The following HAUS3 variants were observed in gnomAD, a reference collection of about 807,000 sequenced individuals.
HAUS3 encodes HAUS augmin like complex subunit 3, also known as HAUS augmin-like complex subunit 3.
A neutral mutation model predicts 55.2 loss-of-function variants in HAUS3; 36 were observed. The observed-to-expected ratio is 0.65, with a 90% CI of 0.50 to 0.86. HAUS3 has a LOEUF of 0.86. HAUS3 is among the 40% of genes least tolerant of loss of function. The pLI, the probability that HAUS3 is intolerant of heterozygous loss-of-function variation, is 0.00. For synonymous variants in HAUS3, 234 were observed against 238.6 expected (o/e 0.98, Z 0.18); for missense variants, 752 against 671.5 (o/e 1.12, Z -1.33).
rs759453196 is a variant in HAUS3, at chr4:2,240,391, C to T, written c.556G>A (p.Gly186Ser). 4 of 1,610,910 alleles carry T rather than the reference C, an allele frequency of 2.5e-6. No individual in the cohort carries two copies. In the African/African-American group the frequency reaches 5.3e-5, roughly 22 times the overall value. The change falls in exon 3 of 6, where the codon GGT becomes AGT. Residue 186 changes from glycine (G) to serine (S), a missense_variant. By Grantham distance (56) the Gly-to-Ser change is moderately conservative. Coordinates refer to ENST00000443786, the MANE Select transcript of HAUS3 (RefSeq NM_001303143.2). ...AATACCAGTGGATTTGTCCCTTGAC[C>T]TAAATTAGAATGTCTGAAGAACATC... ...LMMFFRHSNLGQGTNPLVFLS... is the reference protein window; with the variant it reads ...LMMFFRHSNLSQGTNPLVFLS...
At position 2,228,883 on chromosome 4, in the gene HAUS3, C is replaced by T. The variant is rs892577813; in HGVS notation, c.*3044G>A. The T allele has an allele frequency of 2.5e-6, 1 of 403,524 alleles. No homozygotes were observed. The highest frequency in any genetic ancestry group is 4.4e-6 in the Non-Finnish European group (1 of 227,826). The allele number at this position is 403,524 out of a possible 1,614,324, so 25.0% of individuals were successfully genotyped here. Reference sequence around the variant, plus strand: ...TCTAAGGGAATGTTTGACAGAAATACCTGGAATAAGGAAGAGAGTGTTACA... The same window carrying T: ...TCTAAGGGAATGTTTGACAGAAATATCTGGAATAAGGAAGAGAGTGTTACA... On this transcript the variant is annotated 3_prime_UTR_variant, in exon 6 of 6. Transcript: ENST00000443786.
At chr4:2,237,004 AAC>A (rs147203664) in intron 4 of HAUS3, among the ~76,000 whole-genome samples, 1,884 of 152,094 alleles carry the variant, frequency 0.012, 12 homozygotes, top group Non-Finnish European at 0.021. Context: ...ACATTAGATA[AAC>A]AGTCTATTAC....
chr4:2,242,094 G>C lies in HAUS3; in HGVS notation c.-462C>G, dbSNP rs1226916532. 1.0e-5 allele frequency: 10 copies of C among 985,746 alleles called. No individual in the cohort carries two copies. Among genetic ancestry groups the C allele is most frequent in the African/African-American group, 3.5e-5 (2 of 57,254 alleles). The allele number at this position is 985,746 out of a possible 1,614,324, so 61.1% of individuals were successfully genotyped here. A position where few individuals can be genotyped will look rare whatever the true frequency, so the allele number is the denominator to read the frequency against. On this transcript the variant is annotated 5_prime_UTR_variant, in exon 1 of 6. Transcript: ENST00000443786. Reference sequence around the variant, plus strand: ...CTTCTCGCAGGAGCCCGCCGCCACCGCCCTCCGTGCCCCGCGCGCCTCGCA... The same window carrying C: ...CTTCTCGCAGGAGCCCGCCGCCACCCCCCTCCGTGCCCCGCGCGCCTCGCA...
At chr4:2,233,885 C>T (rs1553803625) in intron 5 of HAUS3, among the ~76,000 whole-genome samples, 1 of 151,816 alleles carries the variant, frequency 6.6e-6, no homozygotes, top group Non-Finnish European at 1.5e-5. Context: ...GCATTATAAA[C>T]TCCTTTAAAA....
chr4:2,238,931 C>T lies in HAUS3; in HGVS notation c.1022G>A (p.Arg341Lys), dbSNP rs1379661723. The change falls in exon 4 of 6, where the codon AGA becomes AAA. Residue 341 changes from arginine (R) to lysine (K), a missense_variant. Arg to Lys is a conservative substitution (Grantham distance 26). Coordinates refer to ENST00000443786, the MANE Select transcript of HAUS3 (RefSeq NM_001303143.2). ...IKDRSLPAVV[R>K]ENAQLLNMPV... ...CATATTCAATAACTGGGCATTCTCTCTTACCACAGCAGGTAAACTTCTGTC... is the reference window on the plus strand; with the variant it reads ...CATATTCAATAACTGGGCATTCTCTTTTACCACAGCAGGTAAACTTCTGTC... 1 of 1,609,992 alleles carries T rather than the reference C, an allele frequency of 6.2e-7. No individual in the cohort carries two copies.
In HAUS3 at chr4:2,238,629, C is replaced by A; in HGVS notation, c.1324G>T (p.Asp442Tyr). ...SQQINPRNTI[D>Y]TKDYSTHRLY... is the part of the protein sequence containing the mutation. ...CTATGAGTAGAATAATCCTTAGTAT[C>A]AATGGTATTCCTTGGATTTATCTGT... The change falls in exon 4 of 6, where the codon GAT (aspartate) becomes TAT (tyrosine). Residue 442 changes from aspartate (D) to tyrosine (Y), a missense_variant. Asp to Tyr is a radical substitution (Grantham distance 160, BLOSUM62 -3). Transcript: ENST00000443786. 6.2e-7 allele frequency: 1 copy of A among 1,604,468 alleles called. No homozygotes were observed. The highest frequency in any genetic ancestry group is 2.2e-5 in the East Asian group (1 of 44,742).
intron 4 of HAUS3, among the ~76,000 whole-genome samples, chr4:2,237,470 AAGAGAGAAAG>A (rs912863882): frequency 2.0e-4 from 31 of 151,752 alleles, no homozygotes; most frequent in African/African-American, 7.3e-4. Context: ...GAAGGGAAAG[AAGAGAGAAAG>A]AGAGAGAAAG....
chr4:2,232,060 A>G lies in HAUS3; in HGVS notation c.1679T>C (p.Leu560Ser), dbSNP rs1734600108. 1.3e-6 allele frequency: 2 copies of G among 1,587,586 alleles called. No individual in the cohort carries two copies. Among genetic ancestry groups the G allele is most frequent in the Admixed American group, 3.4e-5 (2 of 58,656 alleles). Residue 560 changes from leucine (L) to serine (S), a missense_variant, in exon 6 of 6, where the codon TTG becomes TCG. Leu to Ser is a moderately radical substitution (Grantham distance 145, BLOSUM62 -2). Transcript: ENST00000443786. Reference protein sequence around the residue: ...LADVKTKRKTLANNKLHQMER... With the variant: ...LADVKTKRKTSANNKLHQMER... ...CATTTGATGTAATTTATTATTTGCCAAAGTTTTTCTTTTTGTCTTCACATC... is the reference window on the plus strand; with the variant it reads ...CATTTGATGTAATTTATTATTTGCCGAAGTTTTTCTTTTTGTCTTCACATC...
chr4:2,237,959 C>A (rs1734825726), intron 4 of HAUS3, among the ~76,000 whole-genome samples: 1 of 151,998 alleles, frequency 6.6e-6, no homozygotes, highest in Admixed American at 6.5e-5. Flanking sequence ...CAGTGGTACC[C>A]CCTGAAATTG....
At chr4:2,241,250 T>C (rs866959903) in intron 2 of HAUS3, among the ~76,000 whole-genome samples, 157 bp from the exon 3 acceptor site, 1 of 152,178 alleles carries the variant, frequency 6.6e-6, no homozygotes. Flanking sequence ...CAGAAACAAT[T>C]AGGCTAGTTC....
chr4:2,229,165 T>TCTGAG lies in HAUS3; in HGVS notation c.*2757_*2761dup, dbSNP rs1560101347. The TCTGAG allele has an allele frequency of 6.2e-7, 1 of 1,610,812 alleles. No homozygotes were observed. Among genetic ancestry groups the TCTGAG allele is most frequent in the East Asian group, 2.2e-5 (1 of 44,848 alleles). On this transcript the variant is annotated 3_prime_UTR_variant, in exon 6 of 6. Coordinates refer to ENST00000443786, the MANE Select transcript of HAUS3 (RefSeq NM_001303143.2). ...CCTGAATGCATAGCAGACATAATCT[T>TCTGAG]CTGAGCAACACTGGAGAGCGGTGTA... is the stretch of plus-strand genomic sequence containing the variant.
chr4:2,233,251 T>C (rs1734646866), intron 5 of HAUS3, among the ~76,000 whole-genome samples: 1 of 152,184 alleles, frequency 6.6e-6, no homozygotes, highest in Non-Finnish European at 1.5e-5. Context: ...TTCAATTAAA[T>C]ACTAAAGATC....
At position 2,231,423 on chromosome 4, in the gene HAUS3, C is replaced by T. The variant is rs947052999; in HGVS notation, c.*504G>A. 6.5e-6 allele frequency: 1 copy of T among 152,768 alleles called. No individual in the cohort carries two copies. The highest frequency in any genetic ancestry group is 1.5e-5 in the Non-Finnish European group (1 of 68,542). 9.5% of individuals were successfully genotyped at this position (152,768 alleles called of 1,614,324 possible). A position where few individuals can be genotyped will look rare whatever the true frequency, so the allele number is the denominator to read the frequency against. ...GACCATCCTGGCCAACATGGTGAAA[C>T]CCCTTTTCTACTAAAATACAAAAAA... is the stretch of plus-strand genomic sequence containing the variant. On this transcript the variant is annotated 3_prime_UTR_variant, in exon 6 of 6. Coordinates refer to ENST00000443786, the MANE Select transcript of HAUS3 (RefSeq NM_001303143.2).
At chr4:2,241,869 A>G in intron 1 of HAUS3, 79 bp from the exon 2 acceptor site, 1 of 985,456 alleles carries the variant, frequency 1.0e-6, no homozygotes. Flanking sequence ...GGCCCCGCAC[A>G]GCCCCCGCCC....
intron 5 of HAUS3, among the ~76,000 whole-genome samples, chr4:2,233,263 T>C (rs1734647696): frequency 6.6e-6 from 1 of 152,206 alleles, no homozygotes; most frequent in South Asian, 2.1e-4. Flanking sequence ...CTAAAGATCA[T>C]ACAGTTGCTA....
chr4:2,241,359 C>G (rs545818081), intron 2 of HAUS3, among the ~76,000 whole-genome samples, 161 bp downstream of exon 2: 112 of 152,192 alleles, frequency 7.4e-4, no homozygotes, highest in Non-Finnish European at 1.3e-3. Context: ...GTTTAAAATG[C>G]ATTACACTTT....
In HAUS3 at chr4:2,232,100, T is replaced by G. The variant is rs1425063013; in HGVS notation, c.1639A>C (p.Thr547Pro). 6.2e-7 allele frequency: 1 copy of G among 1,602,740 alleles called. No homozygotes were observed. Among genetic ancestry groups the G allele is most frequent in the African/African-American group, 1.3e-5 (1 of 74,502 alleles). ...SQLNKLNHLL[T>P]DILADVKTKR... ...GTCTTCACATCAGCAAGAATATCAG[T>G]GAGGAGATGATTTAGCTTATTCAGT... The change falls in exon 6 of 6, where the codon ACT becomes CCT. Residue 547 changes from threonine (T) to proline (P), a missense_variant. Thr to Pro is a conservative substitution (Grantham distance 38). Coordinates refer to ENST00000443786, the MANE Select transcript of HAUS3 (RefSeq NM_001303143.2).
chr4:2,235,394 G>A (rs1448090488), intron 5 of HAUS3, among the ~76,000 whole-genome samples: 1 of 152,224 alleles, frequency 6.6e-6, no homozygotes, highest in East Asian at 1.9e-4. Context: ...TGGCAAAGAT[G>A]TGGAGAAACT....
At position 2,228,995 on chromosome 4, in the gene HAUS3, C is replaced by T; in HGVS notation, c.*2932G>A. On this transcript the variant is annotated 3_prime_UTR_variant, in exon 6 of 6. Transcript: ENST00000443786. ...TGAATGAGTGTAAAAGGGGCGGGAG[C>T]TGGGCTTCATCTGTCTACATGCATT... The T allele has an allele frequency of 8.6e-7, 1 of 1,159,182 alleles. No homozygotes were observed. The highest frequency in any genetic ancestry group is 2.5e-5 in the Admixed American group (1 of 39,710). 71.8% of individuals were successfully genotyped at this position (1,159,182 alleles called of 1,614,324 possible). A position where few individuals can be genotyped will look rare whatever the true frequency, so the allele number is the denominator to read the frequency against.
Sources: gnomAD v4.1 joint callset for allele counts (sites outside exome capture counted in the v4.1 genomes callset) on GRCh38, gnomAD v4.1.1 for gene constraint, MANE v1.5 for transcripts, NCBI Gene and HGNC (gene_info 2026-07-23, HGNC 2026-07-21) for gene names.